GARNL3: variants seen among roughly 807,000 people sequenced by gnomAD.
GARNL3 encodes GTPase-activating Rap/Ran-GAP domain-like protein 3.
GARNL3 carries 63 observed loss-of-function variants against 125.0 expected under a neutral mutation model. The observed-to-expected ratio is 0.50, with a 90% CI of 0.41 to 0.62. The LOEUF (loss-of-function observed/expected upper bound fraction) is 0.62. Ranked by LOEUF, GARNL3 falls within the 20% of genes least tolerant of loss-of-function variation. The pLI is 0.00. For synonymous variants in GARNL3, 439 were observed against 457.5 expected (o/e 0.96, Z 0.52); for missense variants, 994 against 1,244.0 (o/e 0.80, Z 3.02).
chr9:127,353,327 G>A (rs777201640), intron 17 of GARNL3, among the ~76,000 whole-genome samples: 4 of 152,116 alleles, frequency 2.6e-5, no homozygotes, highest in Non-Finnish European at 4.4e-5. Context: ...CTACAAACAC[G>A]GGACATATTA....
chr9:127,332,717 AAT>A (rs1292718176), intron 8 of GARNL3, among the ~76,000 whole-genome samples: 1 of 152,158 alleles, frequency 6.6e-6, no homozygotes, highest in Non-Finnish European at 1.5e-5. Flanking sequence ...TTTCGTGTTA[AAT>A]ACCTGCTTAT....
chr9:127,234,300 A>G (rs1193388613), intron 1 of GARNL3, among the ~76,000 whole-genome samples: 2 of 152,256 alleles, frequency 1.3e-5, no homozygotes, highest in Non-Finnish European at 2.9e-5. Context: ...TAGAAGGTTA[A>G]TATGAGAGAT....
intron 22 of GARNL3, among the ~76,000 whole-genome samples, chr9:127,377,130 T>C (rs781635338): frequency 7.9e-5 from 12 of 152,244 alleles, no homozygotes; most frequent in Non-Finnish European, 1.5e-4. Flanking sequence ...TGAAGGATGA[T>C]TATTTCTTTA....
intron 21 of GARNL3, chr9:127,363,232 C>T (rs1198208017): frequency 1.3e-5 from 2 of 152,386 alleles, no homozygotes; most frequent in Non-Finnish European, 2.9e-5. Flanking sequence ...TGACAACCCC[C>T]GGGTCTGTCC....
At chr9:127,337,092 AAC>A (rs1829594819) in intron 11 of GARNL3, among the ~76,000 whole-genome samples, 1 of 152,218 alleles carries the variant, frequency 6.6e-6, no homozygotes, top group Non-Finnish European at 1.5e-5. Flanking sequence ...TTTAAAAGTT[AAC>A]AGTTTCCAAA....
Position 127,266,064 on chromosome 9 carries a change from A to G in GARNL3, c.144+1043A>G, listed in dbSNP as rs1273425153. Among the ~76,000 whole-genome samples the G allele has an allele frequency of 6.6e-6, 1 of 152,256 alleles. No homozygotes were observed. The highest frequency in any genetic ancestry group is 1.5e-5 in the Non-Finnish European group (1 of 68,038). ...AAATATCTGAAGAATGAATTTAGCC[A>G]CATAAAAGATACCTCAGTTGATTCA... On this transcript the variant is annotated intron_variant, in intron 1 of 27. Coordinates refer to ENST00000373387, the MANE Select transcript of GARNL3 (RefSeq NM_032293.5). The surrounding 1 kb of genome is among the most constrained non-coding windows in gnomAD (Gnocchi z 4.0).
chr9:127,308,092 G>A (rs147314740), intron 2 of GARNL3, among the ~76,000 whole-genome samples: 231 of 152,318 alleles, frequency 1.5e-3, no homozygotes, highest in Non-Finnish European at 2.6e-3. Context: ...TGAATCATGC[G>A]AAAGTCCTAC....
intron 1 of GARNL3, among the ~76,000 whole-genome samples, chr9:127,233,323 G>C (rs868703873): frequency 6.6e-6 from 1 of 152,198 alleles, no homozygotes; most frequent in Non-Finnish European, 1.5e-5. Context: ...TGGCTAGAAG[G>C]GGGTGAAACA....
intron 1 of GARNL3, among the ~76,000 whole-genome samples, chr9:127,239,693 G>C (rs1197607537): frequency 6.6e-6 from 1 of 152,142 alleles, no homozygotes; most frequent in Admixed American, 6.5e-5. Context: ...AAATATGTCA[G>C]AAGGTTAAGA....
chr9:127,388,524 G>A (rs1227291610), intron 25 of GARNL3: 2 of 281,242 alleles, frequency 7.1e-6, no homozygotes, highest in Non-Finnish European at 1.4e-5. Context: ...AGAGGCCTCT[G>A]CTGTGGTTAC....
chr9:127,377,568 C>G (rs2131788821), intron 22 of GARNL3, among the ~76,000 whole-genome samples: 2 of 152,160 alleles, frequency 1.3e-5, no homozygotes, highest in Admixed American at 1.3e-4. Flanking sequence ...GGGCAGATCA[C>G]TTGAGGTCAG....
chr9:127,353,850 C>G lies in GARNL3; in HGVS notation c.1548C>G (p.Asp516Glu). 1 of 1,609,874 alleles carries G rather than the reference C, an allele frequency of 6.2e-7. No homozygotes were observed. Among genetic ancestry groups the G allele is most frequent in the African/African-American group, 1.3e-5 (1 of 74,928 alleles). ...TDAGVLLVDD[D>E]LPSVPVFDRT... is the part of the protein sequence containing the mutation. The stretch of plus-strand genomic sequence containing the variant: ...TAACCAGGTTTCCTTTTCCAGATGA[C>G]CTTCCATCAGTGCCCGTGTTTGACA... Residue 516 changes from aspartate to glutamate, a missense_variant, in exon 18 of 28, where the codon GAC (aspartate) becomes GAG (glutamate). Transcript: ENST00000373387.
intron 20 of GARNL3, among the ~76,000 whole-genome samples, chr9:127,355,820 G>A (rs1316589324): frequency 2.0e-5 from 3 of 152,330 alleles, no homozygotes; most frequent in South Asian, 2.1e-4. Context: ...GGAGGGCCAG[G>A]GAACAAAGGA....
At chr9:127,235,854 A>G (rs1169490496) in intron 1 of GARNL3, among the ~76,000 whole-genome samples, 1 of 152,232 alleles carries the variant, frequency 6.6e-6, no homozygotes, top group Non-Finnish European at 1.5e-5. Flanking sequence ...GATTGGAAAC[A>G]ACGACTACAG....
chr9:127,302,235 C>T (rs1259201059), intron 2 of GARNL3, among the ~76,000 whole-genome samples: 1 of 152,106 alleles, frequency 6.6e-6, no homozygotes, highest in African/African-American at 2.4e-5. Flanking sequence ...AGCCACCGCG[C>T]TCGGCCGGGA....
upstream of GARNL3, among the ~76,000 whole-genome samples, chr9:127,263,041 C>T (rs1301411089): frequency 2.6e-5 from 4 of 152,188 alleles, no homozygotes; most frequent in African/African-American, 9.7e-5. Context: ...CATCCCTCTG[C>T]GGTATATTGA....
chr9:127,312,877 G>A (rs569117779), intron 3 of GARNL3, among the ~76,000 whole-genome samples: 77 of 152,262 alleles, frequency 5.1e-4, no homozygotes, highest in Admixed American at 6.5e-4. Flanking sequence ...GAAAAATGGC[G>A]CCATGAGTTT....
intron 6 of GARNL3, among the ~76,000 whole-genome samples, chr9:127,322,029 G>A (rs1251342372): frequency 1.3e-5 from 2 of 152,124 alleles, no homozygotes; most frequent in African/African-American, 2.4e-5. Context: ...TTTTAAAATA[G>A]TATTTACATC....
chr9:127,357,412 GA>G, intron 21 of GARNL3, 35 bp downstream of exon 21: 2 of 1,604,722 alleles, frequency 1.2e-6, no homozygotes, highest in Non-Finnish European at 1.7e-6. Flanking sequence ...GTGAGAATCA[GA>G]AAAGAGTAAT....
Sources: allele counts gnomAD v4.1 joint callset (sites outside exome capture counted in the v4.1 genomes callset), GRCh38; gene constraint gnomAD v4.1.1; non-coding constraint Gnocchi (gnomAD v3.1); transcripts MANE v1.5; gene names NCBI Gene and HGNC (gene_info 2026-07-23, HGNC 2026-07-21).